Variants in C8orf34 observed in about 807,000 individuals in gnomAD.
C8orf34 encodes the protein uncharacterized protein C8orf34.
C8orf34 carries 65 observed loss-of-function variants against 68.3 expected under a neutral mutation model. The observed-to-expected ratio is 0.95, with a 90% CI of 0.78 to 1.17. C8orf34 has a LOEUF of 1.17. Ranked by LOEUF, C8orf34 falls within the 50% of genes most tolerant of loss-of-function variation. C8orf34 has a pLI of 0.00. For synonymous variants in C8orf34, 244 were observed against 241.2 expected, an observed-to-expected ratio of 1.01 and a Z score of -0.11; for missense variants, 664 against 655.4, an observed-to-expected ratio of 1.01 and a Z score of -0.14.
At chr8:68,591,144 T>C (rs1354529350) in intron 7 of C8orf34, among the ~76,000 whole-genome samples, 1 of 152,144 alleles carries the variant, frequency 6.6e-6, no homozygotes. Flanking sequence ...TCTGATAAGC[T>C]GAGATATGGC....
intron 1 of C8orf34, among the ~76,000 whole-genome samples, chr8:68,417,149 T>G (rs1330574249): frequency 1.3e-5 from 2 of 152,174 alleles, no homozygotes; most frequent in Non-Finnish European, 2.9e-5. Flanking sequence ...AATACTTTAA[T>G]TGAAATATTT....
chr8:68,463,055 A>G lies in C8orf34; in HGVS notation c.608-5637A>G, dbSNP rs1811921224. ...TGATAGACCGCTAGCAAGACTAATA[A>G]AGAAAAAAAGAGAGAAGAATCAAAT... On this transcript the variant is annotated intron_variant, in intron 3 of 13. Coordinates refer to ENST00000518698, the MANE Select transcript of C8orf34 (RefSeq NM_052958.4). Among the ~76,000 whole-genome samples the G allele has an allele frequency of 3.3e-5, 5 of 152,104 alleles. No homozygotes were observed. The South Asian group carries it at 1.0e-3, about 31-fold the overall frequency.
chr8:68,755,451 T>G (rs1193306286), intron 10 of C8orf34, among the ~76,000 whole-genome samples: 1 of 152,232 alleles, frequency 6.6e-6, no homozygotes, highest in Non-Finnish European at 1.5e-5. Context: ...CTATGCTATG[T>G]TCTTCATAGA....
intron 1 of C8orf34, among the ~76,000 whole-genome samples, chr8:68,435,928 C>T (rs1389997353): frequency 6.6e-6 from 1 of 152,138 alleles, no homozygotes. Flanking sequence ...GGCTATTAGG[C>T]TGGGCATGGT....
chr8:68,636,763 G>A (rs545108835), intron 7 of C8orf34, among the ~76,000 whole-genome samples: 1 of 151,986 alleles, frequency 6.6e-6, no homozygotes, highest in East Asian at 1.9e-4. Flanking sequence ...CATCTTTTTT[G>A]TTGCATCATC....
chr8:68,356,859 C>T (rs148127044), intron 1 of C8orf34, among the ~76,000 whole-genome samples: 4 of 151,950 alleles, frequency 2.6e-5, no homozygotes, highest in African/African-American at 7.2e-5. Context: ...TATAGCCCAG[C>T]GAATATAGGA....
chr8:68,477,705 A>G (rs775092910), intron 4 of C8orf34, among the ~76,000 whole-genome samples: 9 of 152,198 alleles, frequency 5.9e-5, no homozygotes, highest in Non-Finnish European at 1.2e-4. Context: ...CGTGTAGCAG[A>G]CTTCTGCCTG....
At chr8:68,629,854 C>T (rs527687733) in intron 7 of C8orf34, among the ~76,000 whole-genome samples, 88 of 151,410 alleles carry the variant, frequency 5.8e-4, no homozygotes, top group African/African-American at 1.8e-3. Context: ...TAAGGGCGTG[C>T]GTATGTGTGT....
chr8:68,410,024 A>C (rs1809377155), intron 1 of C8orf34, among the ~76,000 whole-genome samples: 1 of 152,188 alleles, frequency 6.6e-6, no homozygotes, highest in Non-Finnish European at 1.5e-5. Context: ...AGGTTTGTGT[A>C]AGTGCACACT....
At chr8:68,738,636 A>G (rs1402263777) in intron 10 of C8orf34, among the ~76,000 whole-genome samples, 1 of 152,168 alleles carries the variant, frequency 6.6e-6, no homozygotes, top group African/African-American at 2.4e-5. Context: ...ACAAATAACC[A>G]TCAGATAATA....
chr8:68,721,110 A>G (rs1329470059), intron 9 of C8orf34, among the ~76,000 whole-genome samples: 1 of 152,018 alleles, frequency 6.6e-6, no homozygotes, highest in Non-Finnish European at 1.5e-5. Flanking sequence ...CTTTATTTGT[A>G]TAACTAAGAT....
At chr8:68,505,580 A>T (rs1422172116) in intron 5 of C8orf34, among the ~76,000 whole-genome samples, 1 of 130,372 alleles carries the variant, frequency 7.7e-6, no homozygotes, top group Non-Finnish European at 1.5e-5. Flanking sequence ...AAATACAAAA[A>T]ATTAGCCGGG....
chr8:68,330,452 G>A (rs563752263), upstream of C8orf34, among the ~76,000 whole-genome samples: 3 of 152,132 alleles, frequency 2.0e-5, no homozygotes, highest in Non-Finnish European at 4.4e-5. Context: ...ATTTTGAAAA[G>A]GAAGGCAACT....
chr8:68,501,668 A>C (rs572392705), intron 5 of C8orf34, among the ~76,000 whole-genome samples: 33 of 152,312 alleles, frequency 2.2e-4, no homozygotes, highest in African/African-American at 7.5e-4. Context: ...CACACACAAC[A>C]AAATTTCTTT....
intron 13 of C8orf34, among the ~76,000 whole-genome samples, chr8:68,816,294 A>C (rs551157813): frequency 6.6e-5 from 10 of 152,198 alleles, no homozygotes; most frequent in Non-Finnish European, 1.5e-4. Context: ...TGAAAAACAT[A>C]TTCTCCCACA....
intron 3 of C8orf34, among the ~76,000 whole-genome samples, chr8:68,467,685 C>G (rs957167403): frequency 6.6e-6 from 1 of 151,940 alleles, no homozygotes; most frequent in African/African-American, 2.4e-5. Flanking sequence ...CCAGTAGGAG[C>G]TTTCTGAAAA....
intron 8 of C8orf34, among the ~76,000 whole-genome samples, chr8:68,687,324 G>A (rs985492692): frequency 6.6e-6 from 1 of 151,822 alleles, no homozygotes; most frequent in Non-Finnish European, 1.5e-5. Flanking sequence ...AAGCAAAAAG[G>A]ACAAATTTGG....
chr8:68,419,389 A>G (rs1022940409), intron 1 of C8orf34, among the ~76,000 whole-genome samples: 3 of 149,208 alleles, frequency 2.0e-5, no homozygotes, highest in Non-Finnish European at 4.4e-5. Flanking sequence ...GGGACTCTAA[A>G]CTAGTTCAAC....
chr8:68,477,836 G>A (rs771363143), intron 4 of C8orf34, among the ~76,000 whole-genome samples: 1 of 152,278 alleles, frequency 6.6e-6, no homozygotes, highest in South Asian at 2.1e-4. Context: ...CTTGGGGCTT[G>A]CACCCTCTGA....
Sources: gnomAD v4.1 joint callset for allele counts (sites outside exome capture counted in the v4.1 genomes callset) on GRCh38, gnomAD v4.1.1 for gene constraint, MANE v1.5 for transcripts, NCBI Gene and HGNC (gene_info 2026-07-23, HGNC 2026-07-21) for gene names.